Variants in SUMF1 observed in about 807,000 individuals in gnomAD.
SUMF1 encodes the protein formylglycine-generating enzyme.
SUMF1 carries 48 observed loss-of-function variants against 47.6 expected under a neutral mutation model. That is an observed-to-expected ratio of 1.01 (90% CI 0.80 to 1.28). SUMF1 has a LOEUF of 1.28. Among genes scored for constraint, SUMF1 ranks in the 50% most tolerant of loss-of-function variants. SUMF1 has a pLI of 0.00. For synonymous variants in SUMF1, 230 were observed against 192.1 expected (o/e 1.20, Z -1.63); for missense variants, 571 against 485.4 (o/e 1.18, Z -1.66).
chr3:4,158,877 A>G (rs1293382351), intron 8 of SUMF1, among the ~76,000 whole-genome samples: 1 of 151,338 alleles, frequency 6.6e-6, no homozygotes, highest in Admixed American at 6.6e-5. Context: ...GTGCCTTTAT[A>G]TGTGAAGTGT....
intron 9 of SUMF1, among the ~76,000 whole-genome samples, chr3:4,050,295 G>GA (rs370705371): frequency 7.7e-4 from 113 of 146,712 alleles, no homozygotes; most frequent in African/African-American, 2.5e-3. Context: ...CCTACTTTCC[G>GA]AAAAAAAAAA....
At chr3:4,366,450 C>T (rs985980519) in intron 8 of SUMF1, among the ~76,000 whole-genome samples, 1 of 151,550 alleles carries the variant, frequency 6.6e-6, no homozygotes, top group Non-Finnish European at 1.5e-5. Context: ...TCCCTTCTCG[C>T]TTCATTTCAT....
chr3:4,089,022 C>T (rs537930414), intron 8 of SUMF1, among the ~76,000 whole-genome samples: 1 of 152,198 alleles, frequency 6.6e-6, no homozygotes, highest in African/African-American at 2.4e-5. Context: ...TGACTCTCAA[C>T]CAGGTATGTG....
In SUMF1 at chr3:4,467,009, G is replaced by C. The variant is rs11555132; in HGVS notation, c.237C>G (p.Pro79=). ...RYSREANAPG[P]VPGERQLAHS... ...GCGCGAGTTGCCGCTCTCCGGGTAC[G>C]GGGCCCGGAGCGTTAGCCTCCCGCG... is the stretch of plus-strand genomic sequence containing the variant. Residue 79 remains proline (P), a synonymous_variant, in exon 1 of 9, where the codon CCC becomes CCG. Coordinates refer to ENST00000272902, the MANE Select transcript of SUMF1 (RefSeq NM_182760.4). The C allele has an allele frequency of 6.5e-5, 104 of 1,595,126 alleles. 1 individual carries two copies. The highest frequency in any genetic ancestry group is 2.3e-4 in the Admixed American group (13 of 57,184).
chr3:4,176,520 C>A (rs980641709), intron 8 of SUMF1, among the ~76,000 whole-genome samples: 3 of 152,130 alleles, frequency 2.0e-5, no homozygotes, highest in Non-Finnish European at 4.4e-5. Flanking sequence ...GCCTGCCTTA[C>A]AATAGCTGCT....
intron 8 of SUMF1, among the ~76,000 whole-genome samples, chr3:4,184,311 C>T (rs377079751): frequency 4.9e-4 from 75 of 151,792 alleles, no homozygotes; most frequent in Middle Eastern, 3.4e-3. Flanking sequence ...CAAAAATTAG[C>T]CGGGCATGGT....
chr3:4,279,421 T>C (rs1362494523), intron 8 of SUMF1, among the ~76,000 whole-genome samples: 2 of 152,158 alleles, frequency 1.3e-5, no homozygotes, highest in Non-Finnish European at 2.9e-5. Context: ...AAATACATTA[T>C]GACACACAAT....
chr3:4,245,398 T>C (rs1696640590), intron 8 of SUMF1, among the ~76,000 whole-genome samples: 1 of 152,218 alleles, frequency 6.6e-6, no homozygotes, highest in Admixed American at 6.5e-5. Flanking sequence ...TCTTTAATGT[T>C]GGGACCTACA....
intron 8 of SUMF1, among the ~76,000 whole-genome samples, chr3:4,162,344 G>A (rs936412221): frequency 1.3e-5 from 2 of 152,152 alleles, no homozygotes; most frequent in Non-Finnish European, 2.9e-5. Flanking sequence ...ATGTCCCCCA[G>A]ATCCACTGGC....
intron 3 of SUMF1, among the ~76,000 whole-genome samples, chr3:4,425,372 G>C (rs1702035415): frequency 6.6e-6 from 1 of 152,080 alleles, no homozygotes; most frequent in Non-Finnish European, 1.5e-5. Context: ...AAAGTACCTG[G>C]TACAGAGTAT....
At chr3:4,050,812 T>C (rs959850573) in intron 9 of SUMF1, among the ~76,000 whole-genome samples, 3 of 145,144 alleles carry the variant, frequency 2.1e-5, no homozygotes, top group African/African-American at 7.6e-5. Flanking sequence ...AAAAATGTAA[T>C]GATGTACATG....
chr3:4,065,506 G>T (rs927633854), intron 9 of SUMF1, among the ~76,000 whole-genome samples: 3 of 152,066 alleles, frequency 2.0e-5, no homozygotes, highest in South Asian at 2.1e-4. Context: ...TACTTTTAAG[G>T]TTCAGAGAAT....
chr3:4,218,566 T>A (rs1695990792), intron 8 of SUMF1, among the ~76,000 whole-genome samples: 1 of 152,206 alleles, frequency 6.6e-6, no homozygotes. Context: ...CCACCTAAGG[T>A]CGCACTAAAC....
At chr3:4,239,060 G>A (rs1484461351) in intron 8 of SUMF1, among the ~76,000 whole-genome samples, 4 of 152,062 alleles carry the variant, frequency 2.6e-5, no homozygotes, top group Non-Finnish European at 4.4e-5. Flanking sequence ...GTTTTTGCCA[G>A]GTTTGTCAAA....
At position 4,205,138 on chromosome 3, in the gene SUMF1, C is replaced by A. The variant is rs1695623470; in HGVS notation, c.1015-136393G>T. On this transcript the variant is annotated intron_variant and NMD_transcript_variant, in intron 8 of 12. Coordinates refer to the SUMF1 transcript ENST00000448413. The stretch of plus-strand genomic sequence containing the variant: ...AATAGCCTTAACTGATGACATTCCA[C>A]CATTGTGATTTGTTACTGCCCCACC... Among the ~76,000 whole-genome samples the A allele has an allele frequency of 2.0e-5, 3 of 152,220 alleles. No homozygotes were observed. In the South Asian group the frequency reaches 6.2e-4, roughly 32 times the overall value.
At chr3:4,125,745 G>A (rs1693641983) in intron 8 of SUMF1, among the ~76,000 whole-genome samples, 1 of 152,164 alleles carries the variant, frequency 6.6e-6, no homozygotes, top group Admixed American at 6.5e-5. Flanking sequence ...CATGCTCACG[G>A]CTCACTGCGG....
At chr3:4,464,478 T>C (rs755048294) in intron 1 of SUMF1, among the ~76,000 whole-genome samples, 4 of 152,060 alleles carry the variant, frequency 2.6e-5, no homozygotes, top group African/African-American at 7.2e-5. Context: ...ATGTGGGTAG[T>C]GTATGGGTCT....
At chr3:4,398,700 A>G (rs968245176) in intron 7 of SUMF1, among the ~76,000 whole-genome samples, 1 of 152,220 alleles carries the variant, frequency 6.6e-6, no homozygotes, top group Non-Finnish European at 1.5e-5. Flanking sequence ...CTGATTTAAA[A>G]TCTCAAGAGA....
intron 7 of SUMF1, among the ~76,000 whole-genome samples, chr3:4,381,678 G>A (rs970965679): frequency 6.6e-6 from 1 of 152,192 alleles, no homozygotes; most frequent in East Asian, 1.9e-4. Context: ...GAAAATAGAA[G>A]AGTTATGAGT....
Sources: allele counts gnomAD v4.1 joint callset (sites outside exome capture counted in the v4.1 genomes callset), GRCh38; gene constraint gnomAD v4.1.1; transcripts MANE v1.5; gene names NCBI Gene and HGNC (gene_info 2026-07-23, HGNC 2026-07-21).